Variants in EEFSEC observed in about 807,000 individuals in gnomAD.
EEFSEC encodes the protein eukaryotic elongation factor, selenocysteine-tRNA specific.
A neutral mutation model predicts 42.1 loss-of-function variants in EEFSEC; 43 were observed. The observed-to-expected ratio is 1.02, with a 90% CI of 0.80 to 1.32. EEFSEC has a LOEUF of 1.32. EEFSEC is among the 40% of genes most tolerant of loss of function. The pLI is 0.00. For synonymous variants in EEFSEC, 354 were observed against 339.1 expected (o/e 1.04, Z -0.48); for missense variants, 745 against 803.6 (o/e 0.93, Z 0.88).
chr3:128,402,594 G>T (rs956746030), intron 6 of EEFSEC, among the ~76,000 whole-genome samples: 5 of 152,242 alleles, frequency 3.3e-5, no homozygotes, highest in African/African-American at 1.2e-4. Context: ...TCCTCAACAC[G>T]GTGTTACGAG....
chr3:128,343,816 C>T (rs572889720), intron 5 of EEFSEC, among the ~76,000 whole-genome samples: 1 of 152,304 alleles, frequency 6.6e-6, no homozygotes, highest in South Asian at 2.1e-4. Context: ...GTCCTTCCAC[C>T]AACCTGGGGC....
At chr3:128,286,014 T>G (rs2066581378) in intron 4 of EEFSEC, among the ~76,000 whole-genome samples, 1 of 152,282 alleles carries the variant, frequency 6.6e-6, no homozygotes, top group East Asian at 1.9e-4. Flanking sequence ...TTTGTAGTCA[T>G]GCATGTGTGT....
intron 4 of EEFSEC, among the ~76,000 whole-genome samples, chr3:128,340,358 G>A: frequency 6.7e-6 from 1 of 150,172 alleles, no homozygotes; most frequent in Non-Finnish European, 1.5e-5. Flanking sequence ...TAATATTAAT[G>A]TAGATTAATA....
At chr3:128,219,032 A>G (rs780806200) in intron 1 of EEFSEC, among the ~76,000 whole-genome samples, 8 of 152,332 alleles carry the variant, frequency 5.3e-5, no homozygotes, top group Non-Finnish European at 1.2e-4. Context: ...GGAAGAGACC[A>G]CGAGAGGAGG....
intron 4 of EEFSEC, among the ~76,000 whole-genome samples, chr3:128,322,833 C>T (rs909854744): frequency 7.9e-5 from 12 of 152,144 alleles, no homozygotes; most frequent in Non-Finnish European, 1.5e-4. Context: ...GCTGCCACCC[C>T]GTCCCCACCT....
the EEFSEC span, among the ~76,000 whole-genome samples, chr3:128,420,031 C>T: frequency 6.6e-6 from 1 of 152,034 alleles, no homozygotes; most frequent in African/African-American, 2.4e-5. Context: ...CCAGGAGAGA[C>T]AGAGACAGTG....
intron 6 of EEFSEC, among the ~76,000 whole-genome samples, chr3:128,381,227 A>G (rs2067772523): frequency 6.6e-6 from 1 of 152,204 alleles, no homozygotes; most frequent in Non-Finnish European, 1.5e-5. Flanking sequence ...TGAATGGACC[A>G]TGGGTTAAGT....
At chr3:128,287,959 C>G (rs2066603961) in intron 4 of EEFSEC, among the ~76,000 whole-genome samples, 1 of 147,818 alleles carries the variant, frequency 6.8e-6, no homozygotes, top group Non-Finnish European at 1.5e-5. Context: ...CTTGTTTCCC[C>G]CCGCCCCCCC....
intron 1 of EEFSEC, among the ~76,000 whole-genome samples, chr3:128,154,577 G>A (rs192581257): frequency 6.6e-6 from 1 of 152,072 alleles, no homozygotes; most frequent in Non-Finnish European, 1.5e-5. Context: ...AGTCTCCTGA[G>A]TAGCTGGGAT....
chr3:128,346,991 C>G (rs972447406), intron 5 of EEFSEC, among the ~76,000 whole-genome samples: 1 of 152,126 alleles, frequency 6.6e-6, no homozygotes, highest in Admixed American at 6.6e-5. Flanking sequence ...GTTTTCCAAC[C>G]CCTAATATAA....
chr3:128,285,852 T>C (rs377543433), intron 4 of EEFSEC, among the ~76,000 whole-genome samples: 3 of 152,352 alleles, frequency 2.0e-5, no homozygotes, highest in African/African-American at 7.2e-5. Context: ...GTGCTGTGTG[T>C]GCTTCACCTT....
At chr3:128,382,418 C>T (rs1414866928) in intron 6 of EEFSEC, among the ~76,000 whole-genome samples, 1 of 152,200 alleles carries the variant, frequency 6.6e-6, no homozygotes, top group Non-Finnish European at 1.5e-5. Context: ...GGCTCGGCTC[C>T]ATGCAGGTGC....
chr3:128,273,668 C>T (rs147752666), intron 4 of EEFSEC, among the ~76,000 whole-genome samples: 4 of 152,216 alleles, frequency 2.6e-5, no homozygotes, highest in Non-Finnish European at 4.4e-5. Context: ...GTGCTGAGAG[C>T]GGCCTGGACC....
intron 1 of EEFSEC, among the ~76,000 whole-genome samples, chr3:128,163,402 G>C (rs934343606): frequency 1.3e-5 from 2 of 152,100 alleles, no homozygotes; most frequent in Admixed American, 6.5e-5. Flanking sequence ...TGATGGGGTA[G>C]AGACAATATC....
chr3:128,285,384 G>T (rs1219493228), intron 4 of EEFSEC, among the ~76,000 whole-genome samples: 1 of 152,164 alleles, frequency 6.6e-6, no homozygotes, highest in Admixed American at 6.5e-5. Flanking sequence ...ACACTGTGGG[G>T]CTGGAGAAAT....
At chr3:128,237,621 C>T (rs1006645435) in intron 1 of EEFSEC, among the ~76,000 whole-genome samples, 11 of 152,208 alleles carry the variant, frequency 7.2e-5, no homozygotes, top group Admixed American at 2.0e-4. Flanking sequence ...CCCAGCTCTG[C>T]GGGTGTTTTG....
At chr3:128,259,149 G>A (rs558828807) in intron 2 of EEFSEC, among the ~76,000 whole-genome samples, 4 of 152,296 alleles carry the variant, frequency 2.6e-5, no homozygotes, top group Admixed American at 2.0e-4. Flanking sequence ...ATTGGTGCTC[G>A]GTAAAAGGTC....
At chr3:128,356,600 C>A (rs1247788294) in intron 5 of EEFSEC, among the ~76,000 whole-genome samples, 1 of 152,144 alleles carries the variant, frequency 6.6e-6, no homozygotes, top group Non-Finnish European at 1.5e-5. Context: ...TTTTTAAATT[C>A]TATTAACTTA....
chr3:128,280,168 A>G (rs1322441031), intron 4 of EEFSEC, among the ~76,000 whole-genome samples: 1 of 152,244 alleles, frequency 6.6e-6, no homozygotes, highest in African/African-American at 2.4e-5. Flanking sequence ...ATATGTTTGT[A>G]TACAAATGCA....
Sources: allele counts gnomAD v4.1 joint callset (sites outside exome capture counted in the v4.1 genomes callset), GRCh38; gene constraint gnomAD v4.1.1; transcripts MANE v1.5; gene names NCBI Gene and HGNC (gene_info 2026-07-23, HGNC 2026-07-21).